STXBP5L: variants seen among roughly 807,000 people sequenced by gnomAD.
STXBP5L encodes the protein syntaxin-binding protein 5-like.
In STXBP5L, 65 loss-of-function variants were observed where a neutral mutation model predicts 144.5. The ratio of observed to expected loss-of-function variants is 0.45; its 90% CI spans 0.37 to 0.55. STXBP5L has a LOEUF of 0.55. STXBP5L is among the 20% of genes least tolerant of loss of function. The probability of loss-of-function intolerance (pLI) is 0.00; values close to 1 mark genes in which losing one functional copy is unlikely to be tolerated. For missense variants in STXBP5L, 1,298 were observed against 1,405.5 expected (o/e 0.92, Z 1.22); for synonymous variants, 505 against 469.6 (o/e 1.08, Z -0.97).
At chr3:120,912,895 T>TA (rs1277078446) in intron 2 of STXBP5L, among the ~76,000 whole-genome samples, 1 of 152,002 alleles carries the variant, frequency 6.6e-6, no homozygotes, top group African/African-American at 2.4e-5. Context: ...CCCTAAAAGA[T>TA]ACCATATTTT....
intron 5 of STXBP5L, among the ~76,000 whole-genome samples, chr3:121,073,223 G>C (rs185818703): frequency 6.6e-6 from 1 of 152,146 alleles, no homozygotes; most frequent in South Asian, 2.1e-4. Context: ...GGGGCTTTCC[G>C]TGCTCCACCC....
At chr3:121,194,909 CTTTTTT>C (rs10717806) in intron 9 of STXBP5L, among the ~76,000 whole-genome samples, 15 of 68,484 alleles carry the variant, frequency 2.2e-4, no homozygotes, top group African/African-American at 2.5e-4. Flanking sequence ...TCTTTTCACT[CTTTTTT>C]TTTTTTTTTT....
intron 3 of STXBP5L, among the ~76,000 whole-genome samples, chr3:120,992,151 A>T (rs1224868732): frequency 6.6e-6 from 1 of 151,920 alleles, no homozygotes; most frequent in Non-Finnish European, 1.5e-5. Flanking sequence ...AAACTTATTT[A>T]TTTATTTATT....
intron 3 of STXBP5L, among the ~76,000 whole-genome samples, chr3:120,996,033 A>G (rs929212969): frequency 2.0e-5 from 3 of 152,118 alleles, no homozygotes; most frequent in African/African-American, 7.2e-5. Context: ...GGTGTAGAAT[A>G]CACAATTAGC....
At chr3:120,943,551 C>G (rs1329608596) in intron 2 of STXBP5L, among the ~76,000 whole-genome samples, 1 of 151,452 alleles carries the variant, frequency 6.6e-6, no homozygotes, top group Admixed American at 6.6e-5. Context: ...TGTGTTTGGC[C>G]ATGGTTTATC....
intron 10 of STXBP5L, among the ~76,000 whole-genome samples, chr3:121,208,284 G>T (rs1245759040): frequency 7.1e-6 from 1 of 141,504 alleles, no homozygotes; most frequent in Non-Finnish European, 1.5e-5. Flanking sequence ...ACTGAACAAT[G>T]AGAACACTTG....
chr3:121,177,887 A>C (rs1246451227), intron 9 of STXBP5L, among the ~76,000 whole-genome samples: 2 of 152,230 alleles, frequency 1.3e-5, no homozygotes, highest in Non-Finnish European at 2.9e-5. Flanking sequence ...TTGTCCTTCA[A>C]CAGATGACTG....
At position 120,909,746 on chromosome 3, in the gene STXBP5L, G is replaced by A. The variant is rs751700537; in HGVS notation, c.168G>A (p.Ser56=). 2 of 1,611,902 alleles carry A rather than the reference G, an allele frequency of 1.2e-6. No homozygotes were observed. Among genetic ancestry groups the A allele is most frequent in the Admixed American group, 1.7e-5 (1 of 59,436 alleles). ...LREEIQETLT[S]EYFQICKTVR... ...AGGAAATTCAGGAAACTTTGACTTC[G>A]GAGTATTTCCAGATTTGCAAGGTAA... Residue 56 remains serine, a synonymous_variant, in exon 2 of 27, where the codon TCG becomes TCA. Coordinates refer to ENST00000471454, the MANE Select transcript of STXBP5L (RefSeq NM_001308330.2).
At chr3:121,173,797 G>A (rs1577115255) in intron 9 of STXBP5L, among the ~76,000 whole-genome samples, 1 of 152,068 alleles carries the variant, frequency 6.6e-6, no homozygotes, top group African/African-American at 2.4e-5. Flanking sequence ...TGCAGCTGCA[G>A]ACCTTGATTT....
At chr3:121,343,366 C>G (rs2044809767) in intron 20 of STXBP5L, among the ~76,000 whole-genome samples, 1 of 152,098 alleles carries the variant, frequency 6.6e-6, no homozygotes, top group South Asian at 2.1e-4. Context: ...CTCACCACTC[C>G]TATTCAACAT....
chr3:121,418,945 T>G, intron 26 of STXBP5L, 111 bp from the exon 27 acceptor site: 1 of 1,132,876 alleles, frequency 8.8e-7, no homozygotes, highest in Non-Finnish European at 1.2e-6. Context: ...AGCCACTCAG[T>G]TTGATTATAA....
intron 3 of STXBP5L, among the ~76,000 whole-genome samples, chr3:121,020,146 G>T (rs946493206): frequency 6.6e-6 from 1 of 152,100 alleles, no homozygotes; most frequent in Non-Finnish European, 1.5e-5. Context: ...GAAAGGCTCG[G>T]CAATAATATT....
intron 4 of STXBP5L, among the ~76,000 whole-genome samples, 184 bp from the exon 5 acceptor site, chr3:121,045,251 C>G (rs1164281487): frequency 6.6e-6 from 1 of 152,082 alleles, no homozygotes; most frequent in African/African-American, 2.4e-5. Flanking sequence ...GGTCAGTTGC[C>G]TCTTCTACTT....
chr3:120,951,272 G>A (rs1032887253), intron 2 of STXBP5L, among the ~76,000 whole-genome samples: 54 of 152,136 alleles, frequency 3.5e-4, no homozygotes, highest in African/African-American at 1.2e-3. Context: ...AACACCAAAA[G>A]CAATGGCAAC....
At chr3:121,341,955 A>T (rs1004556272) in intron 20 of STXBP5L, among the ~76,000 whole-genome samples, 42 of 152,020 alleles carry the variant, frequency 2.8e-4, no homozygotes, top group African/African-American at 9.7e-4. Context: ...GTCAACAATA[A>T]TTTATTGTAT....
At chr3:121,316,694 G>A (rs183227733) in intron 19 of STXBP5L, among the ~76,000 whole-genome samples, 20 of 152,276 alleles carry the variant, frequency 1.3e-4, no homozygotes, top group East Asian at 1.2e-3. Context: ...TACAAAGAGC[G>A]TGTGGCACAG....
chr3:121,297,960 G>A (rs1330281237), intron 19 of STXBP5L, among the ~76,000 whole-genome samples: 1 of 152,176 alleles, frequency 6.6e-6, no homozygotes, highest in African/African-American at 2.4e-5. Context: ...ATATTTCTTT[G>A]AGAATCCTGT....
chr3:121,103,010 C>T lies in STXBP5L; in HGVS notation c.471-11915C>T, dbSNP rs76605599. Among the ~76,000 whole-genome samples, 67 of 152,222 alleles carry T rather than the reference C, an allele frequency of 4.4e-4. No individual in the cohort carries two copies. In the East Asian group the frequency reaches 0.013, roughly 29 times the overall value. ...CAAAAACCACAATGAGATATTATCT[C>T]CTACCCATCAGAATGGCTATTATTA... On this transcript the variant is annotated intron_variant, in intron 5 of 26. Transcript: ENST00000471454.
At chr3:121,158,141 A>T (rs1443873814) in intron 9 of STXBP5L, 1 of 152,416 alleles carries the variant, frequency 6.6e-6, no homozygotes, top group Non-Finnish European at 1.5e-5. Context: ...GAGCATTTTA[A>T]TCCTAAATGA....
Sources: gnomAD v4.1 joint callset for allele counts (sites outside exome capture counted in the v4.1 genomes callset) on GRCh38, gnomAD v4.1.1 for gene constraint, MANE v1.5 for transcripts, NCBI Gene and HGNC (gene_info 2026-07-23, HGNC 2026-07-21) for gene names.